The following TCF4 variants were observed in gnomAD, a reference collection of about 807,000 sequenced individuals.
The protein encoded by TCF4 is transcription factor 4.
TCF4 carries 3 observed loss-of-function variants against 82.1 expected under a neutral mutation model. The observed-to-expected ratio is 0.04, with a 90% confidence interval of 0.02 to 0.09. The LOEUF (loss-of-function observed/expected upper bound fraction) is 0.09. Among genes scored for constraint, TCF4 ranks in the 10% least tolerant of loss-of-function variants. The probability of loss-of-function intolerance (pLI) is 1.00; values close to 1 mark genes in which losing one functional copy is unlikely to be tolerated. For missense variants in TCF4, 518 were observed against 852.7 expected (o/e 0.61, Z 4.89); for synonymous variants, 276 against 309.6 (o/e 0.89, Z 1.14).
Position 55,287,680 on chromosome 18 carries a change from C to T in TCF4, c.550-8024G>A, listed in dbSNP as rs114817244. Reference sequence around the variant, plus strand: ...ACCAGTGCACTCAGCCTGCAGCAAGCTCAGCAAAGGCACAGTAAAAAAAGT... The same window carrying T: ...ACCAGTGCACTCAGCCTGCAGCAAGTTCAGCAAAGGCACAGTAAAAAAAGT... On this transcript the variant is annotated intron_variant, in intron 8 of 19. Coordinates refer to ENST00000354452, the MANE Select transcript of TCF4 (RefSeq NM_001083962.2). 8.2e-3 allele frequency among the ~76,000 whole-genome samples: 1,244 copies of T among 152,286 alleles called. 14 individuals carry two copies. Among genetic ancestry groups the T allele is most frequent in the African/African-American group, 0.028 (1,146 of 41,548 alleles).
chr18:55,631,417 T>C (rs1457299270), intron 1 of TCF4: 4 of 1,541,380 alleles, frequency 2.6e-6, no homozygotes, highest in Admixed American at 2.0e-5. Flanking sequence ...ATGGTGGACA[T>C]GTTAGAATGA....
intron 1 of TCF4, among the ~76,000 whole-genome samples, chr18:55,634,553 G>A (rs779989149): frequency 1.1e-4 from 17 of 152,140 alleles, no homozygotes; most frequent in Non-Finnish European, 1.6e-4. Context: ...TGGAGGAATA[G>A]GTGCAAGCAT....
In TCF4 at chr18:55,228,631, C is replaced by T. The variant is rs11152294; in HGVS notation, c.1879+216G>A. Among the ~76,000 whole-genome samples the T allele has an allele frequency of 0.045, 6,884 of 152,166 alleles. 502 individuals are homozygous for T. Among genetic ancestry groups the T allele is most frequent in the African/African-American group, 0.16 (6,488 of 41,494 alleles). On this transcript the variant is annotated intron_variant, in intron 18 of 19. Coordinates refer to ENST00000354452, the MANE Select transcript of TCF4 (RefSeq NM_001083962.2). ...TACTGAAAGGATATAGGGAAAGTTGCAATATAATCTTAGTTATAAGAGAAT... is the reference window on the plus strand; with the variant it reads ...TACTGAAAGGATATAGGGAAAGTTGTAATATAATCTTAGTTATAAGAGAAT...
At chr18:55,299,635 C>T (rs1370637140) in intron 8 of TCF4, among the ~76,000 whole-genome samples, 2 of 151,984 alleles carry the variant, frequency 1.3e-5, no homozygotes, top group Non-Finnish European at 2.9e-5. Context: ...ATGGGCTGCC[C>T]ATCTTAGAAC....
At chr18:55,509,139 T>C (rs1016031781) in intron 3 of TCF4, among the ~76,000 whole-genome samples, 1 of 152,150 alleles carries the variant, frequency 6.6e-6, no homozygotes, top group African/African-American at 2.4e-5. Context: ...TTTCTGTAAG[T>C]CCTTAAGGAA....
intron 8 of TCF4, among the ~76,000 whole-genome samples, chr18:55,347,106 C>T (rs2081336635): frequency 6.6e-6 from 1 of 152,030 alleles, no homozygotes; most frequent in Non-Finnish European, 1.5e-5. Context: ...TCTAGCAAAA[C>T]AAGATGTTCT....
At position 55,475,414 on chromosome 18, in the gene TCF4, GC is replaced by G. The variant is rs1378612029; in HGVS notation, c.146-11278del. Among the ~76,000 whole-genome samples, 3 of 152,240 alleles carry G rather than the reference GC, an allele frequency of 2.0e-5. No homozygotes were observed. The South Asian group carries it at 6.2e-4, about 32-fold the overall frequency. ...GAGCCCCTTGATGGCATGTTGGTCT[GC>G]CCCTCATGTGCTATGCCAATTTTGA... is the stretch of plus-strand genomic sequence containing the variant. On this transcript the variant is annotated intron_variant, in intron 3 of 19. Transcript: ENST00000354452.
intron 8 of TCF4, chr18:55,322,464 A>AC (rs1313266497): frequency 2.4e-5 from 24 of 1,001,148 alleles, no homozygotes; most frequent in Non-Finnish European, 2.9e-5. Context: ...CACGTCTCTG[A>AC]CCTCGCTCAA....
chr18:55,297,640 A>G (rs531902627), intron 8 of TCF4, among the ~76,000 whole-genome samples: 1 of 152,264 alleles, frequency 6.6e-6, no homozygotes, highest in Non-Finnish European at 1.5e-5. Flanking sequence ...CTCTTTCCTC[A>G]ATTTATAACT....
chr18:55,406,369 C>T (rs1287534047), intron 5 of TCF4, among the ~76,000 whole-genome samples: 1 of 151,928 alleles, frequency 6.6e-6, no homozygotes, highest in African/African-American at 2.4e-5. Context: ...AGCCCACGCA[C>T]CTTCTCAAAC....
Position 55,257,328 on chromosome 18 carries a change from G to C in TCF4, c.1133C>G (p.Pro378Arg), listed in dbSNP as rs1335926142. Residue 378 changes from proline (P) to arginine (R), a missense_variant, in exon 14 of 20, where the codon CCC becomes CGC. Coordinates refer to ENST00000354452, the MANE Select transcript of TCF4 (RefSeq NM_001083962.2). ...AATGAGACATACCAAAGAGTGTAAG[G>C]GTCCTTCATAATTAGGAGACGATGA... ...QASSSPNYEGPLHSLQSRIED... is the reference protein window; with the variant it reads ...QASSSPNYEGRLHSLQSRIED... 3.7e-6 allele frequency: 6 copies of C among 1,613,530 alleles called. No individual in the cohort carries two copies. The highest frequency in any genetic ancestry group is 5.1e-6 in the Non-Finnish European group (6 of 1,179,710).
intron 3 of TCF4, among the ~76,000 whole-genome samples, chr18:55,533,981 C>T (rs1259550054): frequency 6.6e-6 from 1 of 152,140 alleles, no homozygotes; most frequent in Non-Finnish European, 1.5e-5. Context: ...TTTTGGATGT[C>T]TAATTTTTTG....
rs573917786 is a variant in TCF4 at position 55,471,467 on chromosome 18, G to A, written c.146-7330C>T. Among the ~76,000 whole-genome samples, 11 of 152,292 alleles carry A rather than the reference G, an allele frequency of 7.2e-5. No homozygotes were observed. In the East Asian group the frequency reaches 7.7e-4, roughly 11 times the overall value. On this transcript the variant is annotated intron_variant, in intron 3 of 19. Coordinates refer to ENST00000354452, the MANE Select transcript of TCF4 (RefSeq NM_001083962.2). ...TATAATCCCAGCACTTTGGGAAGCC[G>A]AGGCAGGTGGATTATGATTTGATTA...
intron 2 of TCF4, among the ~76,000 whole-genome samples, chr18:55,627,579 C>T (rs1445362262): frequency 1.3e-5 from 2 of 151,878 alleles, no homozygotes; most frequent in Non-Finnish European, 2.9e-5. Flanking sequence ...GCCTGCCCAA[C>T]ATGGTGAAAC....
In TCF4 at chr18:55,226,842, G is replaced by T. The variant is rs1290980375; in HGVS notation, c.*1193C>A. ...ACCATGTATTCAGAAACGCCTCACT[G>T]CACACTACTTCGGCTACACAGGTAG... On this transcript the variant is annotated 3_prime_UTR_variant, in exon 20 of 20. Coordinates refer to ENST00000354452, the MANE Select transcript of TCF4 (RefSeq NM_001083962.2). 2.0e-5 allele frequency: 3 copies of T among 152,338 alleles called. No individual in the cohort carries two copies. Among genetic ancestry groups the T allele is most frequent in the African/African-American group, 7.3e-5 (3 of 41,332 alleles). 9.4% of individuals were successfully genotyped at this position (152,338 alleles called of 1,614,324 possible).
At chr18:55,430,499 G>C (rs1289103532) in intron 5 of TCF4, among the ~76,000 whole-genome samples, 1 of 152,142 alleles carries the variant, frequency 6.6e-6, no homozygotes, top group Non-Finnish European at 1.5e-5. Flanking sequence ...AACCTCCAAA[G>C]CAGATGCCCT....
At chr18:55,540,444 C>A (rs1408015201) in intron 3 of TCF4, among the ~76,000 whole-genome samples, 1 of 152,092 alleles carries the variant, frequency 6.6e-6, no homozygotes, top group Non-Finnish European at 1.5e-5. Flanking sequence ...TTACAAACAT[C>A]TTTACTTATT....
intron 3 of TCF4, among the ~76,000 whole-genome samples, chr18:55,528,848 G>A (rs1003586956): frequency 3.9e-5 from 6 of 152,070 alleles, no homozygotes; most frequent in African/African-American, 1.2e-4. Flanking sequence ...CCTTGTTTCA[G>A]TAAAATCTCA....
chr18:55,433,928 TA>T (rs1306769898), intron 5 of TCF4, among the ~76,000 whole-genome samples: 3 of 152,096 alleles, frequency 2.0e-5, no homozygotes, highest in African/African-American at 7.2e-5. Flanking sequence ...TACCCTTGAG[TA>T]GTTTTCCAGT....
Sources: allele counts gnomAD v4.1 joint callset (sites outside exome capture counted in the v4.1 genomes callset), GRCh38; gene constraint gnomAD v4.1.1; transcripts MANE v1.5; gene names NCBI Gene and HGNC (gene_info 2026-07-23, HGNC 2026-07-21).